Variants in QSER1 observed in about 807,000 individuals in gnomAD.
QSER1 encodes glutamine and serine-rich protein 1.
QSER1 carries 49 observed loss-of-function variants against 158.5 expected under a neutral mutation model. The ratio of observed to expected loss-of-function variants is 0.31; its 90% CI spans 0.25 to 0.39. QSER1 has a LOEUF of 0.39. Ranked by LOEUF, QSER1 falls within the 10% of genes least tolerant of loss-of-function variation. The pLI is 1.00. For synonymous variants in QSER1, 650 were observed against 715.5 expected (o/e 0.91, Z 1.46); for missense variants, 1,754 against 2,010.3 (o/e 0.87, Z 2.44).
chr11:32,930,433 T>A (rs1385156764), intron 3 of QSER1, among the ~76,000 whole-genome samples: 1 of 152,120 alleles, frequency 6.6e-6, no homozygotes, highest in African/African-American at 2.4e-5. Flanking sequence ...TAATGGAAAG[T>A]AGGAAAATAT....
intron 6 of QSER1, among the ~76,000 whole-genome samples, chr11:32,955,614 C>T (rs575751877): frequency 2.0e-5 from 3 of 151,374 alleles, no homozygotes; most frequent in Non-Finnish European, 4.4e-5. Flanking sequence ...ATTAAATGAC[C>T]TTGTACTATT....
chr11:32,970,360 C>A (rs1238883964), intron 10 of QSER1, among the ~76,000 whole-genome samples: 1 of 152,126 alleles, frequency 6.6e-6, no homozygotes, highest in African/African-American at 2.4e-5. Flanking sequence ...AGTAAGAAAT[C>A]CAGTACTAAG....
intron 1 of QSER1, among the ~76,000 whole-genome samples, chr11:32,906,918 AAG>A (rs1454868386): frequency 6.6e-6 from 1 of 152,236 alleles, no homozygotes; most frequent in Non-Finnish European, 1.5e-5. Flanking sequence ...CATAGTATGA[AAG>A]AGAACTCTGA....
At chr11:32,953,648 TTGCAG>T (rs1298804438) in intron 4 of QSER1, among the ~76,000 whole-genome samples, 1 of 152,232 alleles carries the variant, frequency 6.6e-6, no homozygotes, top group Non-Finnish European at 1.5e-5. Context: ...AGTTGCAGGT[TTGCAG>T]TCTACTTGTC....
chr11:32,957,758 T>C, intron 7 of QSER1, 111 bp from the exon 8 acceptor site: 1 of 844,760 alleles, frequency 1.2e-6, no homozygotes, highest in Non-Finnish European at 1.8e-6. Flanking sequence ...TTTGAAGGTA[T>C]TGGTGAGAGT....
intron 1 of QSER1, among the ~76,000 whole-genome samples, chr11:32,898,488 A>T (rs1183986335): frequency 4.4e-4 from 14 of 32,110 alleles, no homozygotes; most frequent in African/African-American, 9.6e-4. Flanking sequence ...CCTGTCACAC[A>T]CACACACACA....
intron 9 of QSER1, among the ~76,000 whole-genome samples, chr11:32,966,983 C>T (rs1163876387): frequency 6.6e-6 from 1 of 152,140 alleles, no homozygotes; most frequent in Non-Finnish European, 1.5e-5. Context: ...TTTACATTCT[C>T]ACCAGCAGTC....
At chr11:32,926,916 G>A (rs867199103) in intron 1 of QSER1, 4 of 152,112 alleles carry the variant, frequency 2.6e-5, no homozygotes, top group Non-Finnish European at 4.4e-5. Flanking sequence ...CCAGTAAAAA[G>A]ACTCTTGTTT....
chr11:32,933,910 G>T lies in QSER1; in HGVS notation c.2652G>T (p.Gln884His), dbSNP rs1167279372. ...LGQVKASLQAQRVQSPQQIVH... is the reference protein window; with the variant it reads ...LGQVKASLQAHRVQSPQQIVH... ...AAGTAAAGGCATCTTTACAAGCACAGCGTGTTCAAAGCCCTCAACAAATAG... is the reference window on the plus strand; with the variant it reads ...AAGTAAAGGCATCTTTACAAGCACATCGTGTTCAAAGCCCTCAACAAATAG... The change falls in exon 4 of 13, where the codon CAG becomes CAT. Residue 884 changes from glutamine to histidine, a missense_variant. Gln to His is a conservative substitution (Grantham distance 24). Transcript: ENST00000650167. 1 of 1,613,858 alleles carries T rather than the reference G, an allele frequency of 6.2e-7. No individual in the cohort carries two copies. Among genetic ancestry groups the T allele is most frequent in the African/African-American group, 1.3e-5 (1 of 74,920 alleles).
At chr11:32,937,147 A>G (rs1329086197) in intron 4 of QSER1, among the ~76,000 whole-genome samples, 1 of 152,226 alleles carries the variant, frequency 6.6e-6, no homozygotes, top group Non-Finnish European at 1.5e-5. Flanking sequence ...AGTTAAAATC[A>G]TCATCATAAA....
In QSER1 at chr11:32,964,717, CATATAT is replaced by C. The variant is rs375985842; in HGVS notation, c.4970-1565_4970-1560del. Among the ~76,000 whole-genome samples the C allele has an allele frequency of 6.5e-3, 417 of 64,254 alleles. 8 individuals are homozygous for C. The highest frequency in any genetic ancestry group is 9.2e-3 in the Admixed American group (41 of 4,454). The allele number at this position is 64,254 out of a possible 152,430, so 42.2% of individuals were successfully genotyped here. On this transcript the variant is annotated intron_variant, in intron 8 of 12. Transcript: ENST00000650167. ...TATCTCTAAGAAAAAAAAAAAACAC[CATATAT>C]ATATATATATATATATACACACACA...
chr11:32,898,545 G>C (rs1004123146), intron 1 of QSER1, among the ~76,000 whole-genome samples: 15 of 151,290 alleles, frequency 9.9e-5, no homozygotes, highest in Admixed American at 9.2e-4. Flanking sequence ...AATGTGCTCT[G>C]TATGGCTCTG....
chr11:32,960,065 T>A (rs1489803600), intron 8 of QSER1, among the ~76,000 whole-genome samples: 1 of 152,124 alleles, frequency 6.6e-6, no homozygotes, highest in Non-Finnish European at 1.5e-5. Context: ...CTGTGCCCAG[T>A]CTAAATGTAC....
At position 32,957,235 on chromosome 11, in the gene QSER1, G is replaced by A. The variant is rs951099249; in HGVS notation, c.4752-634G>A. Reference sequence around the variant, plus strand: ...TGGCTCACTGCAACCTCCACCTCCCGGGTTCAAGCGATTCTCCTGCCTCAG... The same window carrying A: ...TGGCTCACTGCAACCTCCACCTCCCAGGTTCAAGCGATTCTCCTGCCTCAG... On this transcript the variant is annotated intron_variant, in intron 7 of 12. Transcript: ENST00000650167. 4.1e-5 allele frequency among the ~76,000 whole-genome samples: 6 copies of A among 146,726 alleles called. No homozygotes were observed. In the South Asian group the frequency reaches 1.1e-3, roughly 27 times the overall value.
chr11:32,967,183 T>G (rs569220033), intron 9 of QSER1, among the ~76,000 whole-genome samples: 1 of 152,308 alleles, frequency 6.6e-6, no homozygotes, highest in East Asian at 1.9e-4. Flanking sequence ...TGCAGCAACT[T>G]GGGTGGAACT....
chr11:32,950,955 C>G (rs1486383613), intron 4 of QSER1, among the ~76,000 whole-genome samples: 5 of 152,090 alleles, frequency 3.3e-5, no homozygotes, highest in Non-Finnish European at 7.4e-5. Context: ...TGTAAACATT[C>G]ATTTACAGAT....
intron 1 of QSER1, among the ~76,000 whole-genome samples, chr11:32,918,129 C>T (rs1351328870): frequency 6.6e-6 from 1 of 152,082 alleles, no homozygotes; most frequent in East Asian, 1.9e-4. Context: ...TTATTGAGCT[C>T]TAACTTGAAG....
chr11:32,895,031 G>A (rs1851537400), intron 1 of QSER1, among the ~76,000 whole-genome samples: 1 of 152,296 alleles, frequency 6.6e-6, no homozygotes, highest in South Asian at 2.1e-4. Context: ...TAGGTAAATG[G>A]AACTGAAATA....
At chr11:32,969,249 T>A in intron 10 of QSER1, 106 bp downstream of exon 10, 1 of 733,408 alleles carries the variant, frequency 1.4e-6, no homozygotes, top group Non-Finnish European at 2.2e-6. Flanking sequence ...ATTTTTCACC[T>A]AATGAAAATT....
Sources: gnomAD v4.1 joint callset for allele counts (sites outside exome capture counted in the v4.1 genomes callset) on GRCh38, gnomAD v4.1.1 for gene constraint, MANE v1.5 for transcripts, NCBI Gene and HGNC (gene_info 2026-07-23, HGNC 2026-07-21) for gene names.